NPEPPS: variants seen among roughly 807,000 people sequenced by gnomAD.
The protein encoded by NPEPPS is aminopeptidase puromycin sensitive.
In NPEPPS, 14 loss-of-function variants were observed where a neutral mutation model predicts 115.5. The ratio of observed to expected loss-of-function variants is 0.12; its 90% confidence interval spans 0.08 to 0.19. NPEPPS has a LOEUF of 0.19. Ranked by LOEUF, NPEPPS falls within the 10% of genes least tolerant of loss-of-function variation. The pLI is 1.00. For synonymous variants in NPEPPS, 285 were observed against 390.6 expected (o/e 0.73, Z 3.19); for missense variants, 523 against 1,110.8 (o/e 0.47, Z 7.52).
chr17:47,592,861 C>G (rs1182698349), intron 12 of NPEPPS, among the ~76,000 whole-genome samples: 1 of 152,026 alleles, frequency 6.6e-6, no homozygotes, highest in Non-Finnish European at 1.5e-5. Context: ...CCCATTAACT[C>G]GTCATTTACA....
At chr17:47,563,310 G>T (rs1910569455) in intron 2 of NPEPPS, among the ~76,000 whole-genome samples, 1 of 152,050 alleles carries the variant, frequency 6.6e-6, no homozygotes, top group Non-Finnish European at 1.5e-5. Flanking sequence ...GGGATTACAG[G>T]CGTGAGCCAC....
intron 2 of NPEPPS, chr17:47,548,321 TTGTC>T (rs1468178523): frequency 2.6e-5 from 4 of 152,162 alleles, no homozygotes; most frequent in Non-Finnish European, 5.9e-5. Flanking sequence ...TTTTAAAAAA[TTGTC>T]TGGTAAATGA....
At chr17:47,614,117 T>C (rs550054628) in intron 19 of NPEPPS, among the ~76,000 whole-genome samples, 24 of 151,754 alleles carry the variant, frequency 1.6e-4, no homozygotes, top group African/African-American at 5.8e-4. Flanking sequence ...ATTATAGGAG[T>C]GTGATAACCG....
intron 4 of NPEPPS, chr17:47,580,228 A>G (rs1911791825): frequency 6.6e-6 from 1 of 152,016 alleles, no homozygotes; most frequent in Non-Finnish European, 1.5e-5. Context: ...GTTTACTACT[A>G]ATTTGTTTTA....
chr17:47,546,979 G>T (rs777993602), intron 2 of NPEPPS, among the ~76,000 whole-genome samples: 1 of 151,962 alleles, frequency 6.6e-6, no homozygotes, highest in Non-Finnish European at 1.5e-5. Context: ...AACATGAAAG[G>T]CTCCTCAAAG....
intron 9 of NPEPPS, among the ~76,000 whole-genome samples, chr17:47,589,543 G>A (rs1764065240): frequency 6.6e-6 from 1 of 152,230 alleles, no homozygotes; most frequent in South Asian, 2.1e-4. Context: ...GGCATTACAG[G>A]AGCAAGCCAT....
chr17:47,572,515 C>G (rs1935228249), intron 3 of NPEPPS, among the ~76,000 whole-genome samples: 1 of 151,588 alleles, frequency 6.6e-6, no homozygotes, highest in South Asian at 2.1e-4. Context: ...TAATTACTAT[C>G]CTTAGAGAAT....
chr17:47,619,866 A>G (rs1442393124), intron 22 of NPEPPS, 82 bp downstream of exon 22: 1 of 1,054,012 alleles, frequency 9.5e-7, no homozygotes, highest in African/African-American at 1.6e-5. Flanking sequence ...GTGTTGGGAT[A>G]ATGTACTGTA....
intron 1 of NPEPPS, among the ~76,000 whole-genome samples, chr17:47,533,377 GTGTT>G (rs1210666426): frequency 1.3e-5 from 2 of 151,894 alleles, no homozygotes; most frequent in African/African-American, 2.4e-5. Context: ...AGTGACTAGA[GTGTT>G]TGATATATAT....
At chr17:47,528,439 A>C (rs1393070645), upstream of NPEPPS, among the ~76,000 whole-genome samples, 4 of 152,108 alleles carry the variant, frequency 2.6e-5, no homozygotes, top group Non-Finnish European at 4.4e-5. Context: ...TGCCTTTCTG[A>C]AAAGTATGTA....
chr17:47,603,749 TTC>T (rs956931772), intron 15 of NPEPPS, 164 bp from the exon 16 acceptor site: 9 of 496,710 alleles, frequency 1.8e-5, no homozygotes, highest in African/African-American at 1.8e-4. Flanking sequence ...TGTGCATTCA[TTC>T]TGTCTTGATG....
chr17:47,589,089 C>G (rs1390230618), intron 9 of NPEPPS, among the ~76,000 whole-genome samples: 3 of 150,690 alleles, frequency 2.0e-5, no homozygotes, highest in African/African-American at 7.3e-5. Flanking sequence ...CTAATTTTTG[C>G]ACTTTTTGTA....
At chr17:47,591,779 A>G (rs1309664065) in intron 10 of NPEPPS, 177 bp from the exon 11 acceptor site, 2 of 485,560 alleles carry the variant, frequency 4.1e-6, no homozygotes, top group Non-Finnish European at 7.4e-6. Flanking sequence ...ATCATGTTCT[A>G]TTCAACTTTA....
At chr17:47,603,534 T>G (rs1008696334) in intron 15 of NPEPPS, 2 of 158,568 alleles carry the variant, frequency 1.3e-5, no homozygotes, top group African/African-American at 4.8e-5. Context: ...CCGTTCAGTC[T>G]CTGTGCTTAT....
intron 19 of NPEPPS, among the ~76,000 whole-genome samples, chr17:47,617,677 C>T (rs979550387): frequency 2.6e-5 from 4 of 152,048 alleles, no homozygotes; most frequent in African/African-American, 9.7e-5. Flanking sequence ...TATAAGAACA[C>T]TAATGATTAG....
chr17:47,531,892 G>T (rs1056395985), intron 1 of NPEPPS, among the ~76,000 whole-genome samples: 5 of 152,298 alleles, frequency 3.3e-5, no homozygotes, highest in African/African-American at 1.2e-4. Context: ...ACCCTTCTGG[G>T]CTTGATAGTG....
At chr17:47,603,186 C>T (rs945639984) in intron 15 of NPEPPS, among the ~76,000 whole-genome samples, 27 of 152,042 alleles carry the variant, frequency 1.8e-4, no homozygotes, top group Admixed American at 1.1e-3. Flanking sequence ...TGAGGCGCGG[C>T]GGATCACCTG....
chr17:47,536,509 T>G (rs1908289131), intron 1 of NPEPPS, among the ~76,000 whole-genome samples: 1 of 143,674 alleles, frequency 7.0e-6, no homozygotes, highest in African/African-American at 2.6e-5. Context: ...TTCTCCTGCC[T>G]TAGCCTCCCA....
rs759536164 is a variant in NPEPPS at position 47,605,544 on chromosome 17, C to G, written c.2087C>G (p.Pro696Arg). Residue 696 changes from proline to arginine, a missense_variant, in exon 17 of 23, where the codon CCT (proline) becomes CGT (arginine). Pro to Arg is a moderately radical substitution (Grantham distance 103). This residue lies in a region of NPEPPS where 372 missense variants were observed against 542.6 expected (regional missense o/e 0.69). Transcript: ENST00000322157. ...GAGAGACTGGGCTGGGACCCCAAAC[C>G]TGGAGAAGGTAATGGATATACTAAA... ...IGERLGWDPK[P>R]GEGHLDALLR... The G allele has an allele frequency of 3.2e-6, 5 of 1,582,088 alleles. No homozygotes were observed. In the African/African-American group the frequency reaches 6.7e-5, roughly 21 times the overall value.
Sources: allele counts gnomAD v4.1 joint callset (sites outside exome capture counted in the v4.1 genomes callset), GRCh38; gene constraint gnomAD v4.1.1; regional missense constraint gnomAD v4.1.1; transcripts MANE v1.5; gene names NCBI Gene and HGNC (gene_info 2026-07-23, HGNC 2026-07-21).